USP39: variants seen among roughly 807,000 people sequenced by gnomAD.
USP39 encodes ubiquitin specific peptidase 39.
USP39 carries 38 observed loss-of-function variants against 66.4 expected under a neutral mutation model. That is an observed-to-expected ratio of 0.57 (90% CI 0.44 to 0.75). The LOEUF (loss-of-function observed/expected upper bound fraction) is 0.75. USP39 is among the 30% of genes least tolerant of loss of function. The probability of loss-of-function intolerance (pLI) is 0.00; values close to 1 mark genes in which losing one functional copy is unlikely to be tolerated. For missense variants in USP39, 608 were observed against 714.4 expected, an observed-to-expected ratio of 0.85 and a Z score of 1.70; for synonymous variants, 303 against 274.6, an observed-to-expected ratio of 1.10 and a Z score of -1.02.
chr2:85,616,722 G>A (rs1674003423), intron 1 of USP39, among the ~76,000 whole-genome samples: 1 of 147,702 alleles, frequency 6.8e-6, no homozygotes, highest in Non-Finnish European at 1.5e-5. Context: ...CTGTCACCCA[G>A]GATGGAGTGC....
At chr2:85,603,142 C>T (rs1485357348) in intron 1 of USP39, 2 of 152,238 alleles carry the variant, frequency 1.3e-5, no homozygotes, top group African/African-American at 4.8e-5. Context: ...GCCAGGGCTG[C>T]GGTGGGTCCA....
chr2:85,615,488 C>T (rs1191185485), upstream of USP39, among the ~76,000 whole-genome samples: 1 of 152,174 alleles, frequency 6.6e-6, no homozygotes, highest in East Asian at 1.9e-4. Flanking sequence ...CAAGAACCTT[C>T]TAAAAGTAGA....
chr2:85,644,868 G>A (rs1573451596), intron 10 of USP39, 80 bp from the exon 11 acceptor site: 1 of 1,567,662 alleles, frequency 6.4e-7, no homozygotes, highest in East Asian at 2.3e-5. Flanking sequence ...GAACAATTTT[G>A]TGGTCCGTTT....
chr2:85,646,795 T>A (rs1676677544), intron 11 of USP39, among the ~76,000 whole-genome samples: 1 of 152,190 alleles, frequency 6.6e-6, no homozygotes, highest in Non-Finnish European at 1.5e-5. Flanking sequence ...TTTTGCTGTA[T>A]TTGTAGCACT....
chr2:85,644,768 A>G (rs1164893799), intron 10 of USP39, among the ~76,000 whole-genome samples, 180 bp from the exon 11 acceptor site: 22 of 149,910 alleles, frequency 1.5e-4, no homozygotes, highest in Admixed American at 8.0e-4. Flanking sequence ...TAACCCTGTC[A>G]TTCATTTTGG....
intron 8 of USP39, among the ~76,000 whole-genome samples, chr2:85,638,748 G>A (rs964113189): frequency 2.6e-5 from 4 of 151,864 alleles, no homozygotes; most frequent in East Asian, 1.9e-4. Flanking sequence ...TGTTGGTCAC[G>A]TTGGTCTTGG....
At chr2:85,641,177 T>C in intron 10 of USP39, 59 bp downstream of exon 10, 1 of 1,597,222 alleles carries the variant, frequency 6.3e-7, no homozygotes, top group South Asian at 1.1e-5. Context: ...TCTTCTCTTG[T>C]ATTTTTACCA....
intron 6 of USP39, among the ~76,000 whole-genome samples, chr2:85,631,599 G>A (rs1372292177): frequency 6.6e-6 from 1 of 152,042 alleles, no homozygotes; most frequent in Non-Finnish European, 1.5e-5. Context: ...ATAGAAAGTC[G>A]GTCTTATTTG....
upstream of USP39, chr2:85,609,313 G>T: frequency 7.1e-7 from 1 of 1,405,824 alleles, no homozygotes; most frequent in Non-Finnish European, 9.7e-7. Flanking sequence ...GGCAGGCCTA[G>T]ACTCACATGT....
upstream of USP39, chr2:85,611,407 CA>C: frequency 6.7e-7 from 1 of 1,498,428 alleles, no homozygotes; most frequent in South Asian, 1.4e-5. Context: ...TAAAATACAG[CA>C]CGGTGGGGCA....
At position 85,648,925 on chromosome 2, in the gene USP39, A is replaced by T; in HGVS notation, c.*117A>T. On this transcript the variant is annotated 3_prime_UTR_variant, in exon 13 of 13. Transcript: ENST00000323701. ...GGCTTCCTAGGCCAGCCCAGCTTGT[A>T]TGGGTTCTGGCTACACCAGAGCACC... The T allele has an allele frequency of 8.1e-7, 1 of 1,240,804 alleles. No homozygotes were observed. Among genetic ancestry groups the T allele is most frequent in the Non-Finnish European group, 1.2e-6 (1 of 857,800 alleles). The allele number at this position is 1,240,804 out of a possible 1,614,324, so 76.9% of individuals were successfully genotyped here.
chr2:85,639,617 G>T (rs182331315), intron 9 of USP39: 287 of 383,368 alleles, frequency 7.5e-4, no homozygotes, highest in Middle Eastern at 5.9e-3. Flanking sequence ...ACCATGACTG[G>T]CTAATTTTTT....
intron 11 of USP39, among the ~76,000 whole-genome samples, chr2:85,647,529 C>T (rs1676735430): frequency 6.6e-6 from 1 of 151,756 alleles, no homozygotes; most frequent in Admixed American, 6.6e-5. Flanking sequence ...GTTTTAGTGG[C>T]ACACACCTGT....
At chr2:85,622,487 A>G (rs1315266687) in intron 3 of USP39, among the ~76,000 whole-genome samples, 1 of 151,974 alleles carries the variant, frequency 6.6e-6, no homozygotes, top group Non-Finnish European at 1.5e-5. Flanking sequence ...CCTGAGCTCA[A>G]GCAGTGTGCT....
chr2:85,611,118 TG>T, upstream of USP39: 2 of 341,834 alleles, frequency 5.9e-6, no homozygotes, highest in Non-Finnish European at 4.4e-6. Context: ...CACACGCCTG[TG>T]GTCCCAGGTA....
rs1258439809 is a variant in USP39 at position 85,646,046 on chromosome 2, C to G, written c.1563+963C>G. 4 of 152,322 alleles carry G rather than the reference C, an allele frequency of 2.6e-5. No homozygotes were observed. The East Asian group carries it at 5.8e-4, about 22-fold the overall frequency. 9.4% of individuals were successfully genotyped at this position (152,322 alleles called of 1,614,324 possible). Reference sequence around the variant, plus strand: ...ATCCTTGGACCAATAACATCAGCATCAGTCTTGTTAGAAATCAGCTTGTTA... The same window carrying G: ...ATCCTTGGACCAATAACATCAGCATGAGTCTTGTTAGAAATCAGCTTGTTA... On this transcript the variant is annotated intron_variant, in intron 11 of 12. Coordinates refer to ENST00000323701, the MANE Select transcript of USP39 (RefSeq NM_006590.4).
At chr2:85,611,909 C>T (rs748604317), upstream of USP39, 4 of 1,592,826 alleles carry the variant, frequency 2.5e-6, no homozygotes, top group Admixed American at 1.7e-5. Flanking sequence ...ATATGGTGCA[C>T]GAAGCCGTGG....
At chr2:85,611,316 A>C (rs1673507932), upstream of USP39, 1 of 1,424,310 alleles carries the variant, frequency 7.0e-7, no homozygotes, top group Non-Finnish European at 9.1e-7. Flanking sequence ...AAGGCCATTT[A>C]CTGGGTTCAT....
Position 85,648,760 on chromosome 2 carries a change from G to A in USP39, c.1651-1G>A. On this transcript the variant is annotated splice_acceptor_variant, in intron 12 of 12. Transcript: ENST00000323701. LOFTEE classifies it high-confidence loss of function. ...TCAGTTTGTGTTTTCATTTCTTACA[G>A]ATTTGGAAGAGGCGAGATAATGATG... The A allele has an allele frequency of 6.2e-7, 1 of 1,614,084 alleles. No individual in the cohort carries two copies. The highest frequency in any genetic ancestry group is 8.5e-7 in the Non-Finnish European group (1 of 1,179,948).
Sources: allele counts gnomAD v4.1 joint callset (sites outside exome capture counted in the v4.1 genomes callset), GRCh38; gene constraint gnomAD v4.1.1; transcripts MANE v1.5; gene names NCBI Gene and HGNC (gene_info 2026-07-23, HGNC 2026-07-21).